Variants in RPH3A observed in about 807,000 individuals in gnomAD.
The protein encoded by RPH3A is rabphilin-3A.
A neutral mutation model predicts 102.2 loss-of-function variants in RPH3A; 48 were observed. The observed-to-expected ratio is 0.47, with a 90% CI of 0.37 to 0.60. The LOEUF (loss-of-function observed/expected upper bound fraction) is 0.60, where lower values mean the gene tolerates loss of function less well. RPH3A is among the 20% of genes least tolerant of loss of function. The probability of loss-of-function intolerance (pLI) is 0.00; values close to 1 mark genes in which losing one functional copy is unlikely to be tolerated. For missense variants in RPH3A, 781 were observed against 910.1 expected (o/e 0.86, Z 1.83); for synonymous variants, 310 against 324.3 (o/e 0.96, Z 0.47).
intron 5 of RPH3A, 70 bp from the exon 6 acceptor site, chr12:112,865,344 C>T: frequency 6.4e-7 from 1 of 1,568,560 alleles, no homozygotes; most frequent in Non-Finnish European, 8.7e-7. Flanking sequence ...GACTATCAAC[C>T]TGACACTGTG....
chr12:112,803,098 C>T (rs888078731), intron 2 of RPH3A, among the ~76,000 whole-genome samples: 1 of 152,074 alleles, frequency 6.6e-6, no homozygotes, highest in African/African-American at 2.4e-5. Context: ...GGATGGGAGC[C>T]TTTGTCCCAA....
rs1565882498 is a variant in RPH3A, at chr12:112,791,903, A to AGAGAGAGAGAGAGAGAGAGAGAGG, written c.-247_-246insGAGAGAGAGAGAGAGAGAGAGGGA. The stretch of plus-strand genomic sequence containing the variant: ...GAGAGAGAGAGAGAGAGAGAGAGAG[A>AGAGAGAGAGAGAGAGAGAGAGAGG]GACTCACAGAGCTAAAACCTTCATC... On this transcript the variant is annotated 5_prime_UTR_variant, in exon 1 of 22. Transcript: ENST00000389385. The AGAGAGAGAGAGAGAGAGAGAGAGG allele has an allele frequency of 6.0e-5, 9 of 150,324 alleles. No individual in the cohort carries two copies. Among genetic ancestry groups the AGAGAGAGAGAGAGAGAGAGAGAGG allele is most frequent in the Non-Finnish European group, 1.0e-4 (7 of 67,186 alleles). The allele number at this position is 150,324 out of a possible 1,614,324, so 9.3% of individuals were successfully genotyped here.
intron 4 of RPH3A, among the ~76,000 whole-genome samples, chr12:112,843,619 G>A (rs1259699241): frequency 6.6e-6 from 1 of 152,202 alleles, no homozygotes; most frequent in Non-Finnish European, 1.5e-5. Flanking sequence ...TTTAGGTCAG[G>A]CTGGCTCCTG....
intron 1 of RPH3A, among the ~76,000 whole-genome samples, chr12:112,695,505 C>T (rs112599432): frequency 2.6e-5 from 4 of 152,206 alleles, no homozygotes; most frequent in African/African-American, 4.8e-5. Flanking sequence ...ACTGGGAAAT[C>T]GATTTTGAGT....
chr12:112,575,417 C>A, intron 1 of RPH3A: 1 of 139,170 alleles, frequency 7.2e-6, no homozygotes. Context: ...GGGGCGCGGC[C>A]GGACGCGGGA....
At chr12:112,844,871 A>C (rs993848705) in intron 4 of RPH3A, among the ~76,000 whole-genome samples, 2 of 152,218 alleles carry the variant, frequency 1.3e-5, no homozygotes, top group Admixed American at 6.5e-5. Flanking sequence ...AGCTGCAGAC[A>C]TGTCACCTGG....
At chr12:112,706,824 T>G (rs1281392214) in intron 1 of RPH3A, among the ~76,000 whole-genome samples, 1 of 152,184 alleles carries the variant, frequency 6.6e-6, no homozygotes, top group Non-Finnish European at 1.5e-5. Context: ...ATACTGACAT[T>G]TGAGCAGAAA....
intron 16 of RPH3A, among the ~76,000 whole-genome samples, chr12:112,884,147 T>A (rs11609873): frequency 0.01 from 1,550 of 152,334 alleles, 17 homozygotes; most frequent in Non-Finnish European, 0.016. Context: ...CAGATTTTTT[T>A]AAATGTTCTT....
chr12:112,852,693 C>G (rs2042342527), intron 5 of RPH3A, among the ~76,000 whole-genome samples: 1 of 152,134 alleles, frequency 6.6e-6, no homozygotes, highest in Admixed American at 6.5e-5. Context: ...CTGCTGAGCA[C>G]TTCTCCTGAG....
intron 1 of RPH3A, among the ~76,000 whole-genome samples, chr12:112,596,395 G>T (rs1334523984): frequency 2.0e-5 from 3 of 152,200 alleles, no homozygotes; most frequent in Admixed American, 2.0e-4. Context: ...TATGGTGTAA[G>T]GTAGGGAGTC....
intron 2 of RPH3A, among the ~76,000 whole-genome samples, chr12:112,819,087 G>T (rs957727144): frequency 1.3e-5 from 2 of 151,694 alleles, no homozygotes; most frequent in African/African-American, 4.8e-5. Flanking sequence ...ATATATTTGA[G>T]ATATATATAT....
chr12:112,830,621 A>G (rs2041954559), intron 3 of RPH3A, among the ~76,000 whole-genome samples: 1 of 151,980 alleles, frequency 6.6e-6, no homozygotes, highest in Non-Finnish European at 1.5e-5. Flanking sequence ...ATCACCATGG[A>G]TCTGTCAATT....
At chr12:112,767,364 C>T (rs1690270675) in intron 1 of RPH3A, among the ~76,000 whole-genome samples, 1 of 152,206 alleles carries the variant, frequency 6.6e-6, no homozygotes, top group East Asian at 1.9e-4. Context: ...GATCCACTCT[C>T]ACCCGTCTTA....
Position 112,796,424 on chromosome 12 carries a change from T to C in RPH3A, c.-19+4161T>C, listed in dbSNP as rs191600750. Among the ~76,000 whole-genome samples, 867 of 152,322 alleles carry C rather than the reference T, an allele frequency of 5.7e-3. 5 individuals are homozygous for C. Among genetic ancestry groups the C allele is most frequent in the Middle Eastern group, 0.041 (12 of 294 alleles). On this transcript the variant is annotated intron_variant, in intron 2 of 21. Transcript: ENST00000389385. ...AAGGCTGTGATATCTTCATTTCTGGTGTCCGGGTCAGCACCCAGCAGGTGC... is the reference window on the plus strand; with the variant it reads ...AAGGCTGTGATATCTTCATTTCTGGCGTCCGGGTCAGCACCCAGCAGGTGC...
chr12:112,754,540 CAT>C (rs1250564212), intron 1 of RPH3A, among the ~76,000 whole-genome samples: 3 of 152,146 alleles, frequency 2.0e-5, no homozygotes, highest in Non-Finnish European at 4.4e-5. Context: ...GAAAAGACCA[CAT>C]GTGTAGGCAA....
chr12:112,763,633 C>A (rs2040869137), intron 1 of RPH3A, among the ~76,000 whole-genome samples: 1 of 152,122 alleles, frequency 6.6e-6, no homozygotes, highest in African/African-American at 2.4e-5. Flanking sequence ...ATGAAGCTTC[C>A]AGGTAGTAGG....
chr12:112,725,522 T>C (rs2040582135), intron 1 of RPH3A, among the ~76,000 whole-genome samples: 1 of 152,068 alleles, frequency 6.6e-6, no homozygotes, highest in African/African-American at 2.4e-5. Flanking sequence ...TCCTTGCATC[T>C]TTTCATCTTT....
intron 4 of RPH3A, among the ~76,000 whole-genome samples, chr12:112,842,664 G>A (rs565989275): frequency 2.0e-5 from 3 of 152,290 alleles, no homozygotes; most frequent in South Asian, 2.1e-4. Flanking sequence ...GCCGGTACTC[G>A]CCTGGAGAGG....
intron 1 of RPH3A, among the ~76,000 whole-genome samples, chr12:112,770,292 T>G (rs535905326): frequency 3.3e-5 from 5 of 152,092 alleles, no homozygotes; most frequent in Admixed American, 3.3e-4. Context: ...ATTCTTTTAT[T>G]TATTTATTTA....
Sources: gnomAD v4.1 joint callset for allele counts (sites outside exome capture counted in the v4.1 genomes callset) on GRCh38, gnomAD v4.1.1 for gene constraint, MANE v1.5 for transcripts, NCBI Gene and HGNC (gene_info 2026-07-23, HGNC 2026-07-21) for gene names.